Variants in HTRA2 observed in about 807,000 individuals in gnomAD.
The protein encoded by HTRA2 is serine protease HTRA2, mitochondrial.
HTRA2 carries 24 observed loss-of-function variants against 42.2 expected under a neutral mutation model. The ratio of observed to expected loss-of-function variants is 0.57; its 90% CI spans 0.41 to 0.80. The LOEUF is 0.80. HTRA2 is among the 30% of genes least tolerant of loss of function. HTRA2 has a pLI of 0.00. For synonymous variants in HTRA2, 245 were observed against 255.8 expected (o/e 0.96, Z 0.40); for missense variants, 466 against 613.5 (o/e 0.76, Z 2.54).
chr2:74,530,347 G>T lies in HTRA2; in HGVS notation c.341G>T (p.Gly114Val), dbSNP rs753799539. 4 of 1,592,260 alleles carry T rather than the reference G, an allele frequency of 2.5e-6. No individual in the cohort carries two copies. Among genetic ancestry groups the T allele is most frequent in the Non-Finnish European group, 3.4e-6 (4 of 1,168,102 alleles). The change falls in exon 1 of 8, where the codon GGG (glycine) becomes GTG (valine). Residue 114 changes from glycine to valine, a missense_variant. By Grantham distance (109) the Gly-to-Val change is moderately radical. This residue lies in a region of HTRA2 where 222 missense variants were observed against 205.1 expected (regional missense o/e 1.08). Coordinates refer to ENST00000258080, the MANE Select transcript of HTRA2 (RefSeq NM_013247.5). This position sits in a 1 kb window ranked among gnomAD's most constrained non-coding sequence, Gnocchi z 7.4. ...TGGCTGGCGGTGGCGCTGGGCGCTG[G>T]GGGGGCAGTGCTGTTGTTGTTGTGG... ...RAWLAVALGA[G>V]GAVLLLLWGG... is the part of the protein sequence containing the mutation.
In HTRA2 at chr2:74,530,653, C is replaced by T. The variant is rs1312233907; in HGVS notation, c.543C>T (p.Asn181=). The change falls in exon 2 of 8, where the codon AAC becomes AAT. Residue 181 remains asparagine, a synonymous_variant. Transcript: ENST00000258080. The surrounding 1 kb of genome is among the most constrained non-coding windows in gnomAD (Gnocchi z 7.4). ...PFLGREVPIS[N]GSGFVVAADG... ...TGGGCCGCGAGGTCCCTATCTCGAACGGCTCAGGATTCGTGGTGGCTGCCG... is the reference window on the plus strand; with the variant it reads ...TGGGCCGCGAGGTCCCTATCTCGAATGGCTCAGGATTCGTGGTGGCTGCCG... The T allele has an allele frequency of 6.2e-7, 1 of 1,614,172 alleles. No individual in the cohort carries two copies. Among genetic ancestry groups the T allele is most frequent in the Admixed American group, 1.7e-5 (1 of 60,022 alleles).
In HTRA2 at chr2:74,530,530, C is replaced by A. The variant is rs1424840293; in HGVS notation, c.506+18C>A. The A allele has an allele frequency of 1.2e-6, 2 of 1,613,334 alleles. No individual in the cohort carries two copies. Among genetic ancestry groups the A allele is most frequent in the Non-Finnish European group, 1.7e-6 (2 of 1,180,028 alleles). ...CTGGACCGGTAATGGTGGGGGTAGA[C>A]CGGGAGGCACTGAAGCCACAGGCTG... On this transcript the variant is annotated intron_variant, in intron 1 of 7. Coordinates refer to ENST00000258080, the MANE Select transcript of HTRA2 (RefSeq NM_013247.5). The surrounding 1 kb of genome is among the most constrained non-coding windows in gnomAD (Gnocchi z 7.4).
intron 3 of HTRA2, 115 bp from the exon 4 acceptor site, chr2:74,531,224 G>A: frequency 6.5e-7 from 1 of 1,541,578 alleles, no homozygotes; most frequent in Admixed American, 1.7e-5. Context: ...GCAAAAATGT[G>A]GCCACTTATT....
In HTRA2 at chr2:74,530,700, C is replaced by A. The variant is rs1675530355; in HGVS notation, c.590C>A (p.Ala197Asp). ...GCCGATGGGCTCATTGTCACCAACG[C>A]CCATGTGGTGGCTGATCGGCGCAGA... ...VAADGLIVTNAHVVADRRRVR... is the reference protein window; with the variant it reads ...VAADGLIVTNDHVVADRRRVR... Residue 197 changes from alanine (A) to aspartate (D), a missense_variant, in exon 2 of 8, where the codon GCC (alanine) becomes GAC (aspartate). By Grantham distance (126) the Ala-to-Asp change is moderately radical. Around this residue, in one of 3 missense-constraint regions of HTRA2, gnomAD observed 115 missense variants for 245.4 expected, o/e 0.47. Transcript: ENST00000258080. This position sits in a 1 kb window ranked among gnomAD's most constrained non-coding sequence, Gnocchi z 7.4. 1.2e-6 allele frequency: 2 copies of A among 1,614,078 alleles called. No individual in the cohort carries two copies. Among genetic ancestry groups the A allele is most frequent in the Non-Finnish European group, 1.7e-6 (2 of 1,180,034 alleles).
chr2:74,531,976 G>T (rs764318878), intron 6 of HTRA2, 51 bp downstream of exon 6: 8 of 1,506,150 alleles, frequency 5.3e-6, no homozygotes, highest in South Asian at 1.1e-5. Flanking sequence ...TAATCAGAGG[G>T]GGGCACCTCT....
intron 4 of HTRA2, 43 bp from the exon 5 acceptor site, chr2:74,531,551 CCTA>C: frequency 6.2e-7 from 1 of 1,613,774 alleles, no homozygotes; most frequent in East Asian, 2.2e-5. Context: ...GCCCCCATCC[CCTA>C]CTATTTGTTT....
intron 3 of HTRA2, 114 bp downstream of exon 3, chr2:74,531,219 A>G (rs1484584965): frequency 1.9e-6 from 3 of 1,548,064 alleles, no homozygotes; most frequent in Non-Finnish European, 8.9e-7. Context: ...AGGCTGCAAA[A>G]ATGTGGCCAC....
At position 74,530,025 on chromosome 2, in the gene HTRA2, G is replaced by T; in HGVS notation, c.19G>T (p.Gly7Trp). MAAPRA[G>W]RGAGWSLRAW... ...GGAGCTGATGGCTGCGCCGAGGGCGGGGCGGGGTGCAGGCTGGAGCCTTCG... is the reference window on the plus strand; with the variant it reads ...GGAGCTGATGGCTGCGCCGAGGGCGTGGCGGGGTGCAGGCTGGAGCCTTCG... Residue 7 changes from glycine (G) to tryptophan (W), a missense_variant, in exon 1 of 8, where the codon GGG becomes TGG. Around this residue, in one of 3 missense-constraint regions of HTRA2, gnomAD observed 222 missense variants for 205.1 expected, o/e 1.08. Coordinates refer to ENST00000258080, the MANE Select transcript of HTRA2 (RefSeq NM_013247.5). The surrounding 1 kb of genome is among the most constrained non-coding windows in gnomAD (Gnocchi z 7.4). The T allele has an allele frequency of 6.5e-7, 1 of 1,548,172 alleles. No individual in the cohort carries two copies. Among genetic ancestry groups the T allele is most frequent in the Non-Finnish European group, 8.8e-7 (1 of 1,142,158 alleles).
chr2:74,529,557 T>C (rs1372420263), upstream of HTRA2: 2 of 1,553,766 alleles, frequency 1.3e-6, no homozygotes, highest in Non-Finnish European at 1.7e-6. Flanking sequence ...CGGGGATCGG[T>C]CTCTTCCCGC....
At position 74,530,548 on chromosome 2, in the gene HTRA2, A is replaced by G. The variant is rs760623668; in HGVS notation, c.506+36A>G. On this transcript the variant is annotated intron_variant, in intron 1 of 7. Transcript: ENST00000258080. This position sits in a 1 kb window ranked among gnomAD's most constrained non-coding sequence, Gnocchi z 7.4. ...GGGTAGACCGGGAGGCACTGAAGCC[A>G]CAGGCTGGAGGGCGGGCGGGTAGGA... 7 of 1,613,392 alleles carry G rather than the reference A, an allele frequency of 4.3e-6. No individual in the cohort carries two copies. The highest frequency in any genetic ancestry group is 3.3e-4 in the Middle Eastern group (2 of 6,082).
In HTRA2 at chr2:74,533,294, C is replaced by T; in HGVS notation, c.*309C>T. ...TACTGGAGCTGACCATCCTGACCTC[C>T]TATTAAAGAAAATGAGCTGCTGCCA... On this transcript the variant is annotated 3_prime_UTR_variant, in exon 8 of 8. Transcript: ENST00000258080. 3.8e-6 allele frequency: 2 copies of T among 531,892 alleles called. No individual in the cohort carries two copies. Among genetic ancestry groups the T allele is most frequent in the Non-Finnish European group, 6.7e-6 (2 of 299,248 alleles). 32.9% of individuals were successfully genotyped at this position (531,892 alleles called of 1,614,324 possible).
chr2:74,532,737 A>G, intron 7 of HTRA2, 23 bp downstream of exon 7: 1 of 1,612,750 alleles, frequency 6.2e-7, no homozygotes. Flanking sequence ...CTGCAGTGTG[A>G]TATGGGGATG....
Position 74,530,441 on chromosome 2 carries a change from T to G in HTRA2, c.435T>G (p.Ser145Arg), listed in dbSNP as rs760581528. The change falls in exon 1 of 8, where the codon AGT becomes AGG. Residue 145 changes from serine (S) to arginine (R), a missense_variant. Transcript: ENST00000258080. This position sits in a 1 kb window ranked among gnomAD's most constrained non-coding sequence, Gnocchi z 7.4. ...VPSPPPASPRSQYNFIADVVE... is the reference protein window; with the variant it reads ...VPSPPPASPRRQYNFIADVVE... Reference sequence around the variant, plus strand: ...GCCCGCCGCCCGCTTCTCCCCGGAGTCAGTACAACTTCATCGCAGATGTGG... The same window carrying G: ...GCCCGCCGCCCGCTTCTCCCCGGAGGCAGTACAACTTCATCGCAGATGTGG... The G allele has an allele frequency of 8.7e-6, 14 of 1,605,166 alleles. No individual in the cohort carries two copies. Among genetic ancestry groups the G allele is most frequent in the Non-Finnish European group, 1.2e-5 (14 of 1,179,692 alleles).
Position 74,530,962 on chromosome 2 carries a change from G to C in HTRA2, c.763G>C (p.Glu255Gln). The C allele has an allele frequency of 6.2e-7, 1 of 1,614,224 alleles. No homozygotes were observed. The highest frequency in any genetic ancestry group is 8.5e-7 in the Non-Finnish European group (1 of 1,180,040). The change falls in exon 3 of 8, where the codon GAG (glutamate) becomes CAG (glutamine). Residue 255 changes from glutamate to glutamine, a missense_variant. By Grantham distance (29) the Glu-to-Gln change is conservative. Transcript: ENST00000258080. The surrounding 1 kb of genome is among the most constrained non-coding windows in gnomAD (Gnocchi z 7.4). ...ACGCTCAGCTGATGTCCGGCAAGGG[G>C]AGTTTGTTGTTGCCATGGGAAGTCC... ...LGRSADVRQG[E>Q]FVVAMGSPFA...
Position 74,530,266 on chromosome 2 carries a change from C to A in HTRA2, c.260C>A (p.Thr87Asn), listed in dbSNP as rs751509704. The A allele has an allele frequency of 1.7e-5, 28 of 1,607,438 alleles. No individual in the cohort carries two copies. Among genetic ancestry groups the A allele is most frequent in the Non-Finnish European group, 2.4e-5 (28 of 1,176,566 alleles). The change falls in exon 1 of 8, where the codon ACC becomes AAC. Residue 87 changes from threonine (T) to asparagine (N), a missense_variant. Transcript: ENST00000258080. The surrounding 1 kb of genome is among the most constrained non-coding windows in gnomAD (Gnocchi z 7.4). ...PGPRAQLTAV[T>N]PDTRTREASE... is the part of the protein sequence containing the mutation. The stretch of plus-strand genomic sequence containing the variant: ...CCCCGGGCACAACTGACTGCGGTGA[C>A]CCCAGATACCAGGACCCGGGAGGCC...
In HTRA2 at chr2:74,530,898, C is replaced by T; in HGVS notation, c.712-13C>T. 6.2e-7 allele frequency: 1 copy of T among 1,614,142 alleles called. No individual in the cohort carries two copies. Among genetic ancestry groups the T allele is most frequent in the Non-Finnish European group, 8.5e-7 (1 of 1,180,034 alleles). ...CTTCAGATGACAGGTCTCTTTTACC[C>T]ATTCTCCCTTAGGAGCCTCTCCCCA... On this transcript the variant is annotated splice_polypyrimidine_tract_variant and intron_variant, in intron 2 of 7. Coordinates refer to ENST00000258080, the MANE Select transcript of HTRA2 (RefSeq NM_013247.5). The surrounding 1 kb of genome is among the most constrained non-coding windows in gnomAD (Gnocchi z 7.4).
chr2:74,530,750 G>A lies in HTRA2; in HGVS notation c.640G>A (p.Asp214Asn), dbSNP rs777281349. Reference sequence around the variant, plus strand: ...AGTCCGTGTGAGACTGCTAAGCGGCGACACGTATGAGGCCGTGGTCACAGC... The same window carrying A: ...AGTCCGTGTGAGACTGCTAAGCGGCAACACGTATGAGGCCGTGGTCACAGC... ...RRVRVRLLSG[D>N]TYEAVVTAVD... Residue 214 changes from aspartate (D) to asparagine (N), a missense_variant, in exon 2 of 8, where the codon GAC becomes AAC. Coordinates refer to ENST00000258080, the MANE Select transcript of HTRA2 (RefSeq NM_013247.5). This position sits in a 1 kb window ranked among gnomAD's most constrained non-coding sequence, Gnocchi z 7.4. The A allele has an allele frequency of 2.5e-6, 4 of 1,614,202 alleles. No individual in the cohort carries two copies. Among genetic ancestry groups the A allele is most frequent in the Non-Finnish European group, 3.4e-6 (4 of 1,180,046 alleles).
chr2:74,529,438 G>C (rs1453749378), upstream of HTRA2: 1 of 1,575,530 alleles, frequency 6.3e-7, no homozygotes, highest in South Asian at 1.1e-5. Flanking sequence ...AGGACGAGGA[G>C]GCAGAACCCG....
rs1434282036 is a variant in HTRA2 at position 74,533,163 on chromosome 2, T to C, written c.*178T>C. ...GAAACACTTTTTATATAAAATAAAATTATACCTAGCAACATATTATAGTAA... is the reference window on the plus strand; with the variant it reads ...GAAACACTTTTTATATAAAATAAAACTATACCTAGCAACATATTATAGTAA... On this transcript the variant is annotated 3_prime_UTR_variant, in exon 8 of 8. Transcript: ENST00000258080. 1 of 618,334 alleles carries C rather than the reference T, an allele frequency of 1.6e-6. No individual in the cohort carries two copies. The highest frequency in any genetic ancestry group is 1.9e-5 in the African/African-American group (1 of 53,976). The allele number at this position is 618,334 out of a possible 1,614,324, so 38.3% of individuals were successfully genotyped here.
Sources: gnomAD v4.1 joint callset for allele counts on GRCh38, gnomAD v4.1.1 for gene constraint, gnomAD v4.1.1 regional missense constraint, Gnocchi (gnomAD v3.1) non-coding constraint, MANE v1.5 for transcripts, NCBI Gene and HGNC (gene_info 2026-07-23, HGNC 2026-07-21) for gene names.